The following TMSB15B variants were observed in gnomAD, a reference collection of about 807,000 sequenced individuals.
The protein encoded by TMSB15B is thymosin beta-15B.
intron 1 of TMSB15B, among the ~76,000 whole-genome samples, chrX:103,930,352 T>C (rs1432671525): frequency 9.0e-6 from 1 of 111,405 alleles, no homozygotes; most frequent in Non-Finnish European, 1.9e-5. Flanking sequence ...CCCAAGTGAA[T>C]GTGACATTAG....
intron 1 of TMSB15B, among the ~76,000 whole-genome samples, chrX:103,943,904 C>T (rs2147823375): frequency 8.9e-6 from 1 of 112,073 alleles, no homozygotes; most frequent in East Asian, 2.8e-4. Context: ...TCCCTCTTTT[C>T]CACTTTCCCC....
At chrX:103,924,634 A>G (rs781830451) in intron 1 of TMSB15B, among the ~76,000 whole-genome samples, 1 of 111,724 alleles carries the variant, frequency 9.0e-6, no homozygotes, top group South Asian at 3.8e-4. Flanking sequence ...CCAATGATTT[A>G]GTGGATGATC....
intron 1 of TMSB15B, among the ~76,000 whole-genome samples, chrX:103,950,292 C>G (rs1556328070): frequency 9.0e-6 from 1 of 111,158 alleles, no homozygotes; most frequent in Admixed American, 9.5e-5. Flanking sequence ...AACAGACATT[C>G]CAAAGGCTCT....
chrX:103,942,486 C>G (rs2075015036), intron 1 of TMSB15B, among the ~76,000 whole-genome samples: 2 of 111,777 alleles, frequency 1.8e-5, no homozygotes, highest in African/African-American at 6.5e-5. Flanking sequence ...AATCATGTGC[C>G]AATACAGCAT....
rs1234596185 is a variant in TMSB15B at position 103,920,315 on chromosome X, G to A, written c.-721+1023G>A. 1.1e-4 allele frequency among the ~76,000 whole-genome samples: 12 copies of A among 111,774 alleles called. No homozygotes were observed. In the South Asian group the frequency reaches 1.1e-3, roughly 11 times the overall value. On this transcript the variant is annotated intron_variant, in intron 1 of 3. Transcript: ENST00000419165. Reference sequence around the variant, plus strand: ...TTTTGGAGAGCTTGTTATAAATGCAGATTCCTGGGCCTTACCCCTGGGGGA... The same window carrying A: ...TTTTGGAGAGCTTGTTATAAATGCAAATTCCTGGGCCTTACCCCTGGGGGA...
chrX:103,942,159 T>C (rs1556325493), intron 1 of TMSB15B, among the ~76,000 whole-genome samples: 1 of 112,040 alleles, frequency 8.9e-6, no homozygotes, highest in African/African-American at 3.2e-5. Flanking sequence ...AAGTGCTTTT[T>C]GTGTCTTTTC....
chrX:103,954,670 G>A (rs139534260), intron 1 of TMSB15B, among the ~76,000 whole-genome samples: 5 of 111,350 alleles, frequency 4.5e-5, no homozygotes, highest in Admixed American at 3.8e-4. Flanking sequence ...CCTCACCAGC[G>A]AACAGTGAAC....
intron 1 of TMSB15B, among the ~76,000 whole-genome samples, chrX:103,921,318 G>C (rs1404903792): frequency 8.9e-6 from 1 of 111,891 alleles, no homozygotes; most frequent in Non-Finnish European, 1.9e-5. Flanking sequence ...TCAGACTTTT[G>C]CTTCTGCTCC....
At chrX:103,931,911 A>C (rs1381247265) in intron 1 of TMSB15B, 12 of 111,249 alleles carry the variant, frequency 1.1e-4, no homozygotes, top group Non-Finnish European at 2.3e-4. Context: ...GATTTAATCA[A>C]TCATACCTAT....
intron 1 of TMSB15B, among the ~76,000 whole-genome samples, chrX:103,951,968 G>A (rs1443326125): frequency 1.8e-5 from 2 of 111,477 alleles, no homozygotes; most frequent in Admixed American, 1.9e-4. Context: ...CTAAGGTATG[G>A]CTACATGAGT....
intron 1 of TMSB15B, among the ~76,000 whole-genome samples, chrX:103,926,178 C>A (rs781995070): frequency 7.3e-5 from 8 of 110,109 alleles, no homozygotes; most frequent in Non-Finnish European, 1.5e-4. Context: ...AGGCTTAAGG[C>A]CATCATGGAA....
chrX:103,942,300 T>C (rs1262146122), intron 1 of TMSB15B, among the ~76,000 whole-genome samples: 2 of 111,907 alleles, frequency 1.8e-5, no homozygotes, highest in Non-Finnish European at 3.8e-5. Flanking sequence ...ATGTAGAATA[T>C]GAGAATAGAG....
At chrX:103,955,324 T>A (rs2075048685) in intron 1 of TMSB15B, among the ~76,000 whole-genome samples, 1 of 110,328 alleles carries the variant, frequency 9.1e-6, no homozygotes, top group Admixed American at 9.7e-5. Context: ...AAATGACAGA[T>A]GTATAGGAAA....
At chrX:103,947,202 AC>A (rs1235003419) in intron 1 of TMSB15B, among the ~76,000 whole-genome samples, 1 of 112,218 alleles carries the variant, frequency 8.9e-6, no homozygotes, top group Non-Finnish European at 1.9e-5. Flanking sequence ...AGGAGAATTA[AC>A]TACAAATTCA....
At chrX:103,954,130 G>T (rs782463603) in intron 1 of TMSB15B, among the ~76,000 whole-genome samples, 32 of 112,526 alleles carry the variant, frequency 2.8e-4, no homozygotes, top group Admixed American at 6.5e-4. Flanking sequence ...CAAGATAGCT[G>T]ATGTGGAGCC....
Position 103,920,646 on chromosome X carries a change from T to A in TMSB15B, c.-721+1354T>A, listed in dbSNP as rs1461844908. 4.4e-5 allele frequency among the ~76,000 whole-genome samples: 5 copies of A among 112,883 alleles called. No homozygotes were observed. The East Asian group carries it at 1.4e-3, about 31-fold the overall frequency. ...ATTTTCAAATGGGTCTGTCATAATG[T>A]CTTCCTTCTTCAAGCCATGCTTGAT... On this transcript the variant is annotated intron_variant, in intron 1 of 3. Transcript: ENST00000419165.
chrX:103,922,776 C>T (rs782720649), intron 1 of TMSB15B, among the ~76,000 whole-genome samples: 5 of 111,864 alleles, frequency 4.5e-5, no homozygotes, highest in South Asian at 3.8e-4. Context: ...CCTGAGGAAT[C>T]GCCACACTGT....
At chrX:103,925,794 A>T (rs1556318716) in intron 1 of TMSB15B, among the ~76,000 whole-genome samples, 2 of 112,455 alleles carry the variant, frequency 1.8e-5, no homozygotes, top group African/African-American at 6.5e-5. Flanking sequence ...ATCCTGCCTT[A>T]TGGCATCAGT....
chrX:103,948,692 A>T (rs2075031713), intron 1 of TMSB15B, among the ~76,000 whole-genome samples: 1 of 112,497 alleles, frequency 8.9e-6, no homozygotes, highest in South Asian at 3.7e-4. Flanking sequence ...TAAAAGAAGA[A>T]GTTGTAGAAG....
Sources: allele counts gnomAD v4.1 joint callset (sites outside exome capture counted in the v4.1 genomes callset), GRCh38; gene constraint gnomAD v4.1.1; transcripts MANE v1.5; gene names NCBI Gene and HGNC (gene_info 2026-07-23, HGNC 2026-07-21).